Variants in KATNIP observed in about 807,000 individuals in gnomAD.
KATNIP encodes the protein katanin interacting protein.
Under a neutral mutation model 174.0 loss-of-function variants are expected in KATNIP, and 126 were observed. The observed-to-expected ratio is 0.72, with a 90% CI of 0.63 to 0.84. The LOEUF (loss-of-function observed/expected upper bound fraction) is 0.84, where lower values mean the gene tolerates loss of function less well. Among genes scored for constraint, KATNIP ranks in the 40% least tolerant of loss-of-function variants. KATNIP has a pLI of 0.00. For synonymous variants in KATNIP, 810 were observed against 835.7 expected, an observed-to-expected ratio of 0.97 and a Z score of 0.53; for missense variants, 1,958 against 2,109.7, an observed-to-expected ratio of 0.93 and a Z score of 1.41.
At chr16:27,716,925 A>G (rs952861878) in intron 13 of KATNIP, among the ~76,000 whole-genome samples, 2 of 151,624 alleles carry the variant, frequency 1.3e-5, no homozygotes, top group Non-Finnish European at 2.9e-5. Flanking sequence ...GCTCACTGCA[A>G]CCTCCACCTC....
At chr16:27,700,883 C>T (rs1174711059) in intron 10 of KATNIP, among the ~76,000 whole-genome samples, 2 of 152,204 alleles carry the variant, frequency 1.3e-5, no homozygotes, top group Non-Finnish European at 2.9e-5. Context: ...TCGTCTGCCA[C>T]TAGCCTGTGT....
chr16:27,631,193 T>C (rs1371383921), intron 5 of KATNIP, 31 bp downstream of exon 5: 3 of 1,490,836 alleles, frequency 2.0e-6, no homozygotes, highest in South Asian at 1.2e-5. Flanking sequence ...GCCCACGCTT[T>C]AGAATACAGA....
intron 6 of KATNIP, among the ~76,000 whole-genome samples, chr16:27,651,213 A>T (rs186638869): frequency 6.6e-6 from 1 of 152,232 alleles, no homozygotes; most frequent in South Asian, 2.1e-4. Context: ...CATACTCCGC[A>T]TAGGCATGGC....
chr16:27,684,240 G>A (rs754148326), intron 8 of KATNIP, among the ~76,000 whole-genome samples: 6 of 152,112 alleles, frequency 3.9e-5, no homozygotes, highest in Non-Finnish European at 7.4e-5. Context: ...TGGAGGCACA[G>A]AGAGGTTAAG....
intron 6 of KATNIP, among the ~76,000 whole-genome samples, chr16:27,659,665 G>GA: frequency 6.6e-6 from 1 of 152,064 alleles, no homozygotes. Context: ...TCAAACTTGA[G>GA]AAAAAACAAT....
chr16:27,739,452 C>T (rs1199505746), intron 14 of KATNIP, among the ~76,000 whole-genome samples: 2 of 152,152 alleles, frequency 1.3e-5, no homozygotes, highest in Non-Finnish European at 2.9e-5. Flanking sequence ...TTGCTTTCCC[C>T]ATTTCCTCTT....
intron 27 of KATNIP, 43 bp from the exon 28 acceptor site, chr16:27,778,531 T>G (rs753758830): frequency 6.2e-7 from 1 of 1,600,606 alleles, no homozygotes; most frequent in Admixed American, 1.7e-5. Context: ...CTCCAGGGTT[T>G]GAGACTTAGT....
chr16:27,581,143 A>C (rs538935725), intron 2 of KATNIP, among the ~76,000 whole-genome samples: 1 of 152,308 alleles, frequency 6.6e-6, no homozygotes, highest in East Asian at 1.9e-4. Flanking sequence ...TATAAATTTT[A>C]TGTCATTTCA....
chr16:27,595,148 G>T (rs1393859472), intron 2 of KATNIP, among the ~76,000 whole-genome samples: 1 of 152,176 alleles, frequency 6.6e-6, no homozygotes, highest in Non-Finnish European at 1.5e-5. Flanking sequence ...ACTTTGGGAG[G>T]CCTAAGTGGG....
At chr16:27,609,143 A>G (rs1387931095) in intron 2 of KATNIP, among the ~76,000 whole-genome samples, 6 of 152,070 alleles carry the variant, frequency 3.9e-5, no homozygotes, top group African/African-American at 1.4e-4. Context: ...TTCACTCAAC[A>G]ATTTCATTGG....
chr16:27,659,734 A>T (rs990827014), intron 6 of KATNIP, among the ~76,000 whole-genome samples: 1 of 152,186 alleles, frequency 6.6e-6, no homozygotes, highest in African/African-American at 2.4e-5. Context: ...TTGAAAAAAT[A>T]TGCTAAAATG....
At chr16:27,747,808 T>G (rs1048711853) in intron 15 of KATNIP, among the ~76,000 whole-genome samples, 1 of 151,542 alleles carries the variant, frequency 6.6e-6, no homozygotes, top group Non-Finnish European at 1.5e-5. Context: ...AGGGAGAAAA[T>G]AGGGCTGTGG....
chr16:27,688,647 C>T (rs1375198430), intron 8 of KATNIP, among the ~76,000 whole-genome samples: 1 of 152,194 alleles, frequency 6.6e-6, no homozygotes, highest in Non-Finnish European at 1.5e-5. Context: ...ATTTCTGCTT[C>T]AGTGTGTCTG....
intron 5 of KATNIP, among the ~76,000 whole-genome samples, chr16:27,648,012 C>T (rs1433482374): frequency 2.0e-5 from 3 of 152,204 alleles, no homozygotes; most frequent in East Asian, 3.9e-4. Context: ...AATTTCCAAC[C>T]GACTGGGCAT....
chr16:27,750,679 G>A (rs144158459), intron 16 of KATNIP, among the ~76,000 whole-genome samples: 1,423 of 140,976 alleles, frequency 0.01, 24 homozygotes, highest in African/African-American at 0.035. Flanking sequence ...TGATCTGCCC[G>A]TCTCGGCCTC....
intron 15 of KATNIP, among the ~76,000 whole-genome samples, chr16:27,743,354 T>C (rs1315862433): frequency 2.0e-5 from 3 of 152,184 alleles, no homozygotes; most frequent in Non-Finnish European, 4.4e-5. Context: ...CTAGCAGATA[T>C]ACCCCTGACA....
At chr16:27,582,250 C>T (rs1161984157) in intron 2 of KATNIP, among the ~76,000 whole-genome samples, 1 of 152,102 alleles carries the variant, frequency 6.6e-6, no homozygotes, top group East Asian at 1.9e-4. Flanking sequence ...ATTTACAGAT[C>T]TCAATTGCTT....
At chr16:27,553,053 C>T (rs1326418596) in intron 1 of KATNIP, among the ~76,000 whole-genome samples, 1 of 152,182 alleles carries the variant, frequency 6.6e-6, no homozygotes, top group Non-Finnish European at 1.5e-5. Context: ...TATAGGTGAA[C>T]TTTTATACTG....
chr16:27,734,827 TG>T (rs1468163398), intron 14 of KATNIP, among the ~76,000 whole-genome samples: 12 of 152,290 alleles, frequency 7.9e-5, no homozygotes, highest in African/African-American at 2.2e-4. Context: ...CACAGAAAGA[TG>T]GTGGTTAAGA....
Sources: gnomAD v4.1 joint callset for allele counts (sites outside exome capture counted in the v4.1 genomes callset) on GRCh38, gnomAD v4.1.1 for gene constraint, MANE v1.5 for transcripts, NCBI Gene and HGNC (gene_info 2026-07-23, HGNC 2026-07-21) for gene names.